The following TMPO variants were observed in gnomAD, a reference collection of about 807,000 sequenced individuals.
The protein encoded by TMPO is thymopoietin, also known as LEM domain containing 4.
In TMPO, 22 loss-of-function variants were observed where a neutral mutation model predicts 45.4. That is an observed-to-expected ratio of 0.48 (90% CI 0.35 to 0.69). The LOEUF (loss-of-function observed/expected upper bound fraction) is 0.69, where lower values mean the gene tolerates loss of function less well. Among genes scored for constraint, TMPO ranks in the 30% least tolerant of loss-of-function variants. The pLI, the probability that TMPO is intolerant of heterozygous loss-of-function variation, is 0.01. For synonymous variants in TMPO, 241 were observed against 204.1 expected (o/e 1.18, Z -1.54); for missense variants, 512 against 548.8 (o/e 0.93, Z 0.67).
Position 98,533,369 on chromosome 12 carries a change from C to T in TMPO, c.565+1531C>T, listed in dbSNP as rs199943517. On this transcript the variant is annotated intron_variant, in intron 3 of 8. Coordinates refer to ENST00000556029, the MANE Select transcript of TMPO (RefSeq NM_001032283.3). Reference sequence around the variant, plus strand: ...TCTGAGAGCTCACAACTAATTTCTCCGCCACTTGCCCAGGCAATCAGAGAT... The same window carrying T: ...TCTGAGAGCTCACAACTAATTTCTCTGCCACTTGCCCAGGCAATCAGAGAT... The T allele has an allele frequency of 9.6e-5, 155 of 1,614,058 alleles. No homozygotes were observed. Among genetic ancestry groups the T allele is most frequent in the Middle Eastern group, 1.6e-4 (1 of 6,084 alleles).
chr12:98,538,285 C>T lies in TMPO; in HGVS notation c.663+713C>T, dbSNP rs188906580. Among the ~76,000 whole-genome samples, 42 of 152,272 alleles carry T rather than the reference C, an allele frequency of 2.8e-4. 1 individual carries two copies. Among genetic ancestry groups the T allele is most frequent in the African/African-American group, 9.9e-4 (41 of 41,550 alleles). On this transcript the variant is annotated intron_variant, in intron 4 of 8. Coordinates refer to ENST00000556029, the MANE Select transcript of TMPO (RefSeq NM_001032283.3). ...AGACAGCTATTCCTAGAGTCATTTT[C>T]CTTACCCCTGCTATGTCTAGCTGGA...
At chr12:98,520,309 C>CCTTCCTTCCTTCCTTCCG (rs1555202290) in intron 1 of TMPO, among the ~76,000 whole-genome samples, 1 of 145,020 alleles carries the variant, frequency 6.9e-6, no homozygotes, top group African/African-American at 2.6e-5. Flanking sequence ...TTCCTTCCTT[C>CCTTCCTTCCTTCCTTCCG]TGTGTGTGTG....
rs1878362994 is a variant in TMPO at position 98,548,691 on chromosome 12, ATGTT to A, written c.*839_*842del. The A allele has an allele frequency of 6.6e-6, 1 of 152,358 alleles. No homozygotes were observed. Among genetic ancestry groups the A allele is most frequent in the African/African-American group, 2.4e-5 (1 of 41,590 alleles). The allele number at this position is 152,358 out of a possible 1,614,324, so 9.4% of individuals were successfully genotyped here. Reference sequence around the variant, plus strand: ...AAATATGTTTTAGATAAGTGTGTGTATGTTTGTTTAGAAGTTAGAAATTGTAAAC... The same window carrying A: ...AAATATGTTTTAGATAAGTGTGTGTATGTTTAGAAGTTAGAAATTGTAAAC... On this transcript the variant is annotated 3_prime_UTR_variant, in exon 9 of 9. Coordinates refer to ENST00000556029, the MANE Select transcript of TMPO (RefSeq NM_001032283.3).
At chr12:98,516,446 G>A in intron 1 of TMPO, 1 of 1,152,088 alleles carries the variant, frequency 8.7e-7, no homozygotes, top group Admixed American at 4.8e-5. Context: ...CCAGCCGCCT[G>A]CAGCGGGCGT....
At chr12:98,538,966 C>T (rs926331958) in intron 4 of TMPO, among the ~76,000 whole-genome samples, 7 of 151,966 alleles carry the variant, frequency 4.6e-5, no homozygotes, top group Non-Finnish European at 7.4e-5. Context: ...TTTGGGAGGC[C>T]GAGGCGGGCG....
At chr12:98,534,691 G>T in intron 3 of TMPO, 1 of 1,100,320 alleles carries the variant, frequency 9.1e-7, no homozygotes, top group Non-Finnish European at 1.1e-6. Flanking sequence ...AGAATAATAT[G>T]CATCCTCCTT....
chr12:98,534,863 A>T (rs1184307565), intron 3 of TMPO: 1 of 999,194 alleles, frequency 1.0e-6, no homozygotes, highest in African/African-American at 1.7e-5. Context: ...TGCAACATCA[A>T]TCATAGTAGT....
Position 98,547,587 on chromosome 12 carries a change from G to T in TMPO, c.1094G>T (p.Arg365Ile). The change falls in exon 9 of 9, where the codon AGA (arginine) becomes ATA (isoleucine). Residue 365 changes from arginine (R) to isoleucine (I), a missense_variant. Arg to Ile is a moderately conservative substitution (Grantham distance 97). Around this residue, in one of 3 missense-constraint regions of TMPO, gnomAD observed 209 missense variants for 235.1 expected, o/e 0.89. Transcript: ENST00000556029. ...ACTCCCAACAGTGCTAGTTGCCGCA[G>T]ACCAATCAAAGGGGCTGCAGGCCGG... is the stretch of plus-strand genomic sequence containing the variant. ...TPTGISASCR[R>I]PIKGAAGRPL... The T allele has an allele frequency of 6.2e-7, 1 of 1,614,102 alleles. No individual in the cohort carries two copies. The highest frequency in any genetic ancestry group is 1.1e-5 in the South Asian group (1 of 91,050).
intron 4 of TMPO, among the ~76,000 whole-genome samples, chr12:98,540,348 A>C (rs1877838781): frequency 6.6e-6 from 1 of 152,180 alleles, no homozygotes; most frequent in Non-Finnish European, 1.5e-5. Context: ...AGTGAGGCTG[A>C]GAAACTCTGT....
At chr12:98,547,428 C>G in intron 8 of TMPO, 145 bp from the exon 9 acceptor site, 3 of 939,444 alleles carry the variant, frequency 3.2e-6, no homozygotes, top group Non-Finnish European at 4.8e-6. Context: ...GTTGACTGAC[C>G]TCACTGCTTT....
At position 98,515,872 on chromosome 12, in the gene TMPO, C is replaced by G; in HGVS notation, c.5C>G (p.Pro2Arg). Residue 2 changes from proline to arginine, a missense_variant, in exon 1 of 9, where the codon CCG (proline) becomes CGG (arginine). By Grantham distance (103) the Pro-to-Arg change is moderately radical (BLOSUM62 -2). Coordinates refer to ENST00000556029, the MANE Select transcript of TMPO (RefSeq NM_001032283.3). MPEFLEDPSVLT... is the reference protein window; with the variant it reads MREFLEDPSVLT... Reference sequence around the variant, plus strand: ...GGGGCTTCGCAGATCCCCGAGATGCCGGAGTTCCTGGAAGACCCCTCGGTC... The same window carrying G: ...GGGGCTTCGCAGATCCCCGAGATGCGGGAGTTCCTGGAAGACCCCTCGGTC... The G allele has an allele frequency of 1.9e-6, 3 of 1,613,066 alleles. No individual in the cohort carries two copies. Among genetic ancestry groups the G allele is most frequent in the Middle Eastern group, 1.7e-4 (1 of 6,048 alleles).
At chr12:98,544,723 A>G in intron 6 of TMPO, 186 bp downstream of exon 6, 1 of 649,094 alleles carries the variant, frequency 1.5e-6, no homozygotes, top group Non-Finnish European at 2.6e-6. Flanking sequence ...ATTTATGTAA[A>G]GAAATCTAAT....
At chr12:98,540,717 G>T (rs953647120) in intron 4 of TMPO, among the ~76,000 whole-genome samples, 1 of 152,170 alleles carries the variant, frequency 6.6e-6, no homozygotes, top group African/African-American at 2.4e-5. Context: ...AAATTTCAAT[G>T]ACCATATGTG....
intron 1 of TMPO, among the ~76,000 whole-genome samples, chr12:98,526,192 T>A (rs894761392): frequency 6.6e-6 from 1 of 152,262 alleles, no homozygotes; most frequent in African/African-American, 2.4e-5. Context: ...GAAGTTAATC[T>A]GGTGACTAAA....
In TMPO at chr12:98,533,415, C is replaced by T. The variant is rs1189547548; in HGVS notation, c.565+1577C>T. On this transcript the variant is annotated intron_variant, in intron 3 of 8. Coordinates refer to ENST00000556029, the MANE Select transcript of TMPO (RefSeq NM_001032283.3). ...GAGATTATGTCAATTCTCTGTTGGT[C>T]CAGGGTGGGGTAGGTAGTTTGCCTG... 2 of 1,614,014 alleles carry T rather than the reference C, an allele frequency of 1.2e-6. No homozygotes were observed. The highest frequency in any genetic ancestry group is 1.3e-5 in the African/African-American group (1 of 74,912).
At position 98,515,656 on chromosome 12, in the gene TMPO, C is replaced by T. The variant is rs572940464; in HGVS notation, c.-212C>T. 3 of 991,388 alleles carry T rather than the reference C, an allele frequency of 3.0e-6. No homozygotes were observed. Among genetic ancestry groups the T allele is most frequent in the Admixed American group, 2.8e-5 (1 of 36,172 alleles). 61.4% of individuals were successfully genotyped at this position (991,388 alleles called of 1,614,324 possible). On this transcript the variant is annotated 5_prime_UTR_variant, in exon 1 of 9. Transcript: ENST00000556029. ...GGTTGGTGCGAGCTTCCAGCTTGGC[C>T]GCAGTTGGTTCGTAGTTCGGCTCTG...
At chr12:98,527,792 G>T (rs1286317445) in intron 1 of TMPO, 94 bp from the exon 2 acceptor site, 1 of 1,434,252 alleles carries the variant, frequency 7.0e-7, no homozygotes, top group African/African-American at 1.4e-5. Flanking sequence ...AAACCAATTT[G>T]GTAGTGAGTT....
chr12:98,537,227 G>T (rs552637198), intron 3 of TMPO, among the ~76,000 whole-genome samples: 1 of 152,260 alleles, frequency 6.6e-6, no homozygotes, highest in South Asian at 2.1e-4. Context: ...ATAAAGGAAA[G>T]GAGAATAGGT....
At chr12:98,533,393 AT>A in intron 3 of TMPO, 1 of 1,614,210 alleles carries the variant, frequency 6.2e-7, no homozygotes, top group South Asian at 1.1e-5. Context: ...GCAATCAGAG[AT>A]TATGTCAATT....
Sources: gnomAD v4.1 joint callset for allele counts (sites outside exome capture counted in the v4.1 genomes callset) on GRCh38, gnomAD v4.1.1 for gene constraint, gnomAD v4.1.1 regional missense constraint, MANE v1.5 for transcripts, NCBI Gene and HGNC (gene_info 2026-07-23, HGNC 2026-07-21) for gene names.